GAS7: variants seen among roughly 807,000 people sequenced by gnomAD.
The protein encoded by GAS7 is growth arrest specific 7.
In GAS7, 28 loss-of-function variants were observed where a neutral mutation model predicts 71.1. The observed-to-expected ratio is 0.39, with a 90% confidence interval of 0.29 to 0.54. GAS7 has a LOEUF of 0.54. Ranked by LOEUF, GAS7 falls within the 20% of genes least tolerant of loss-of-function variation. GAS7 has a pLI of 0.62. For synonymous variants in GAS7, 258 were observed against 245.8 expected, an observed-to-expected ratio of 1.05 and a Z score of -0.46; for missense variants, 436 against 627.8, an observed-to-expected ratio of 0.69 and a Z score of 3.27.
chr17:10,198,077 GC>G (rs2074553897), intron 1 of GAS7, 130 bp downstream of exon 1: 1 of 800,500 alleles, frequency 1.2e-6, no homozygotes. Context: ...TACAGGTAGC[GC>G]CGGCAAGGGC....
At chr17:10,084,185 T>A (rs2073489205) in intron 1 of GAS7, among the ~76,000 whole-genome samples, 1 of 151,958 alleles carries the variant, frequency 6.6e-6, no homozygotes, top group East Asian at 1.9e-4. Context: ...TAAAAATAAA[T>A]ATAAACAGAC....
At position 10,034,400 on chromosome 17, in the gene GAS7, C is replaced by T. The variant is rs2072697174; in HGVS notation, c.184-14503G>A. On this transcript the variant is annotated intron_variant, in intron 1 of 13. Transcript: ENST00000432992. The surrounding 1 kb of genome is among the most constrained non-coding windows in gnomAD (Gnocchi z 4.4). The stretch of plus-strand genomic sequence containing the variant: ...CTCGGCTCACTGCAACCTAAGCCTT[C>T]CAGGTTCAAGCGATTCTCCTCCCTC... Among the ~76,000 whole-genome samples, 1 of 151,596 alleles carries T rather than the reference C, an allele frequency of 6.6e-6. No homozygotes were observed. The highest frequency in any genetic ancestry group is 2.1e-4 in the South Asian group (1 of 4,814).
At chr17:10,191,874 CAAA>C (rs11303007) in intron 1 of GAS7, among the ~76,000 whole-genome samples, 18 of 110,388 alleles carry the variant, frequency 1.6e-4, no homozygotes, top group Admixed American at 3.9e-4. Context: ...GACTCCATCT[CAAA>C]AAAAAAAAAA....
At chr17:10,113,027 G>C (rs941907711) in intron 1 of GAS7, among the ~76,000 whole-genome samples, 1 of 152,104 alleles carries the variant, frequency 6.6e-6, no homozygotes, top group Admixed American at 6.5e-5. Context: ...GGTCCTCTGA[G>C]GGTCCACTCC....
At position 9,994,287 on chromosome 17, in the gene GAS7, A is replaced by G. The variant is rs200251462; in HGVS notation, c.305-12403T>C. ...GCTACCTGACTTCAAACTATACTAT[A>G]AGGCTACAGTAACCAAAACAGCATG... On this transcript the variant is annotated intron_variant, in intron 2 of 13. Transcript: ENST00000432992. Among the ~76,000 whole-genome samples, 425 of 139,070 alleles carry G rather than the reference A, an allele frequency of 3.1e-3. 1 individual carries two copies. The highest frequency in any genetic ancestry group is 0.011 in the African/African-American group (400 of 35,774). 91.2% of individuals were successfully genotyped at this position (139,070 alleles called of 152,430 possible).
At chr17:10,189,688 C>T (rs1174116160) in intron 1 of GAS7, among the ~76,000 whole-genome samples, 21 of 152,166 alleles carry the variant, frequency 1.4e-4, no homozygotes, top group African/African-American at 5.1e-4. Context: ...CCTGTAATCC[C>T]AGCACTTTGG....
chr17:9,937,970 CGCATTTAGGA>C (rs2068461487), intron 8 of GAS7, among the ~76,000 whole-genome samples: 1 of 152,110 alleles, frequency 6.6e-6, no homozygotes, highest in African/African-American at 2.4e-5. Flanking sequence ...TCGATCCAGG[CGCATTTAGGA>C]CGAGACCAAA....
chr17:10,025,499 AG>A (rs1479243390), intron 1 of GAS7, among the ~76,000 whole-genome samples: 1 of 151,876 alleles, frequency 6.6e-6, no homozygotes, highest in Non-Finnish European at 1.5e-5. Context: ...CCCTAGCTGT[AG>A]GCTGACTTCC....
chr17:9,962,547 CAACT>C (rs1047630923), intron 4 of GAS7, among the ~76,000 whole-genome samples: 10 of 152,300 alleles, frequency 6.6e-5, no homozygotes, highest in South Asian at 2.1e-4. Context: ...TGAATGACTG[CAACT>C]AACTAACTAA....
At chr17:9,918,578 G>A (rs1433151613) in intron 12 of GAS7, among the ~76,000 whole-genome samples, 1 of 152,200 alleles carries the variant, frequency 6.6e-6, no homozygotes, top group Non-Finnish European at 1.5e-5. Context: ...GGGGGCACAT[G>A]TGGGAGCTCC....
chr17:10,092,550 T>G (rs2073594679), intron 1 of GAS7, among the ~76,000 whole-genome samples: 1 of 152,254 alleles, frequency 6.6e-6, no homozygotes, highest in East Asian at 1.9e-4. Flanking sequence ...AAGGGACATC[T>G]TGGCAGGTGA....
At chr17:10,107,508 T>G (rs1437082192) in intron 1 of GAS7, among the ~76,000 whole-genome samples, 4 of 150,152 alleles carry the variant, frequency 2.7e-5, no homozygotes, top group Non-Finnish European at 5.9e-5. Flanking sequence ...GGTGGCGGGC[T>G]GGGCAGGAGA....
intron 9 of GAS7, chr17:9,927,114 G>C: frequency 4.3e-6 from 1 of 229,976 alleles, no homozygotes; most frequent in South Asian, 8.0e-5. Flanking sequence ...ATAATATGCT[G>C]TTTTGAAATA....
At chr17:10,012,395 C>T (rs2071809550) in intron 2 of GAS7, among the ~76,000 whole-genome samples, 1 of 151,828 alleles carries the variant, frequency 6.6e-6, no homozygotes, top group Admixed American at 6.6e-5. Context: ...TCAAGTGATC[C>T]TTCCACCTCA....
intron 1 of GAS7, among the ~76,000 whole-genome samples, chr17:10,186,175 T>A (rs930040837): frequency 5.3e-5 from 8 of 151,780 alleles, no homozygotes; most frequent in African/African-American, 1.9e-4. Context: ...GCCAGGATGG[T>A]CTCGATCTCC....
chr17:10,195,725 C>A (rs2074535767), intron 1 of GAS7, among the ~76,000 whole-genome samples: 1 of 152,128 alleles, frequency 6.6e-6, no homozygotes, highest in South Asian at 2.1e-4. Flanking sequence ...AGTCTACCCA[C>A]CAGCCTGGGG....
chr17:9,958,942 A>T (rs953567373), intron 5 of GAS7: 4 of 1,380,014 alleles, frequency 2.9e-6, no homozygotes, highest in Middle Eastern at 2.7e-4. Context: ...TCCTGCCCTG[A>T]AAAAACGGCT....
intron 1 of GAS7, among the ~76,000 whole-genome samples, chr17:10,131,196 C>T (rs960615653): frequency 2.0e-5 from 3 of 152,212 alleles, no homozygotes; most frequent in African/African-American, 4.8e-5. Flanking sequence ...CGAAGAGCAG[C>T]GCTTACTTGG....
At chr17:10,118,197 T>C (rs1184271941) in intron 1 of GAS7, among the ~76,000 whole-genome samples, 1 of 71,158 alleles carries the variant, frequency 1.4e-5, no homozygotes, top group Non-Finnish European at 3.3e-5. Context: ...AGAGATGGAG[T>C]AAACAGGGAT....
Sources: gnomAD v4.1 joint callset for allele counts (sites outside exome capture counted in the v4.1 genomes callset) on GRCh38, gnomAD v4.1.1 for gene constraint, Gnocchi (gnomAD v3.1) non-coding constraint, MANE v1.5 for transcripts, NCBI Gene and HGNC (gene_info 2026-07-23, HGNC 2026-07-21) for gene names.